Variants in PUM3 observed in about 807,000 individuals in gnomAD.
PUM3 encodes the protein pumilio homolog 3.
A neutral mutation model predicts 84.0 loss-of-function variants in PUM3; 91 were observed. That is an observed-to-expected ratio of 1.08 (90% CI 0.91 to 1.29). The LOEUF (loss-of-function observed/expected upper bound fraction) is 1.29. Ranked by LOEUF, PUM3 falls within the 50% of genes most tolerant of loss-of-function variation. PUM3 has a pLI of 0.00. For synonymous variants in PUM3, 321 were observed against 266.7 expected (o/e 1.20, Z -1.98); for missense variants, 1,067 against 767.5 (o/e 1.39, Z -4.61).
At chr9:2,812,769 A>G (rs1270099294) in intron 13 of PUM3, among the ~76,000 whole-genome samples, 1 of 152,214 alleles carries the variant, frequency 6.6e-6, no homozygotes, top group Non-Finnish European at 1.5e-5. Context: ...TTAACTGACC[A>G]AGCCCAAGGA....
At chr9:2,822,277 A>G (rs1393621602) in intron 12 of PUM3, among the ~76,000 whole-genome samples, 1 of 152,180 alleles carries the variant, frequency 6.6e-6, no homozygotes, top group African/African-American at 2.4e-5. Flanking sequence ...CAAATATAGA[A>G]TACCCCACCA....
chr9:2,804,568 G>GT, intron 17 of PUM3, 105 bp from the exon 18 acceptor site: 2 of 1,013,986 alleles, frequency 2.0e-6, no homozygotes, highest in South Asian at 1.8e-5. Flanking sequence ...CACAAGCCTT[G>GT]TAACTATATA....
chr9:2,807,274 G>T (rs1348745230), intron 17 of PUM3, among the ~76,000 whole-genome samples: 1 of 151,422 alleles, frequency 6.6e-6, no homozygotes, highest in African/African-American at 2.4e-5. Context: ...CCTTGTGAAT[G>T]TTATAATTTG....
At chr9:2,810,870 C>A in intron 15 of PUM3, among the ~76,000 whole-genome samples, 1 of 152,302 alleles carries the variant, frequency 6.6e-6, no homozygotes, top group South Asian at 2.1e-4. Context: ...ATCTGATGAG[C>A]GAATCAAGAA....
Position 2,817,417 on chromosome 9 carries a change from G to C in PUM3, c.1269+2601C>G, listed in dbSNP as rs562141081. ...AAAAACAAAATGCACAAGAATACAT[G>C]ATAGGACCATATATACCCCACAAAG... On this transcript the variant is annotated intron_variant, in intron 13 of 17. Coordinates refer to ENST00000397885, the MANE Select transcript of PUM3 (RefSeq NM_014878.5). Among the ~76,000 whole-genome samples, 18 of 152,210 alleles carry C rather than the reference G, an allele frequency of 1.2e-4. No homozygotes were observed. In the South Asian group the frequency reaches 3.5e-3, roughly 30 times the overall value.
chr9:2,840,198 C>A (rs1280410726), intron 1 of PUM3, among the ~76,000 whole-genome samples: 2 of 152,126 alleles, frequency 1.3e-5, no homozygotes, highest in Non-Finnish European at 2.9e-5. Context: ...TTATGTTAAC[C>A]GTGTTCACTT....
intron 1 of PUM3, among the ~76,000 whole-genome samples, chr9:2,843,573 CTTTTT>C (rs34837134): frequency 1.0e-5 from 1 of 96,400 alleles, no homozygotes; most frequent in Non-Finnish European, 2.1e-5. Flanking sequence ...TCCCGCCCTT[CTTTTT>C]TTTTTTTTTT....
At position 2,820,040 on chromosome 9, in the gene PUM3, A is replaced by T. The variant is rs893539915; in HGVS notation, c.1247T>A (p.Leu416His). ...AAFDCIDDTK[L>H]VKQIIISEII... ...TACTGATATGATTATCTGCTTCACA[A>T]GCTTAGTATCATCAATACAATCAAA... The change falls in exon 13 of 18, where the codon CTT (leucine) becomes CAT (histidine). Residue 416 changes from leucine to histidine, a missense_variant. Transcript: ENST00000397885. 1 of 1,611,260 alleles carries T rather than the reference A, an allele frequency of 6.2e-7. No homozygotes were observed. Among genetic ancestry groups the T allele is most frequent in the South Asian group, 1.1e-5 (1 of 90,956 alleles).
chr9:2,830,098 G>C, intron 7 of PUM3, 150 bp from the exon 8 acceptor site: 1 of 590,966 alleles, frequency 1.7e-6, no homozygotes, highest in South Asian at 2.6e-5. Flanking sequence ...GCTGTGGCCA[G>C]CACATAGTAA....
chr9:2,824,007 T>A (rs542710655), intron 11 of PUM3, among the ~76,000 whole-genome samples, 173 bp from the exon 12 acceptor site: 59 of 152,240 alleles, frequency 3.9e-4, no homozygotes, highest in Non-Finnish European at 4.4e-5. Flanking sequence ...ACCAAAGAAG[T>A]TGGCTTAGAG....
intron 10 of PUM3, 150 bp downstream of exon 10, chr9:2,826,923 G>A (rs1273169661): frequency 1.3e-5 from 8 of 631,820 alleles, no homozygotes; most frequent in African/African-American, 7.6e-5. Context: ...ATTAGCAAAC[G>A]TGTTCAAAGG....
In PUM3 at chr9:2,827,698, G is replaced by T. The variant is rs112713885; in HGVS notation, c.957-547C>A. Among the ~76,000 whole-genome samples the T allele has an allele frequency of 1.7e-3, 257 of 152,286 alleles. 1 individual carries two copies. The highest frequency in any genetic ancestry group is 6.1e-3 in the African/African-American group (252 of 41,566). The stretch of plus-strand genomic sequence containing the variant: ...TGGAGGCCGATGGTCAGGCATAAAA[G>T]ACCTAAAGTTCACAGGTGATACCCA... On this transcript the variant is annotated intron_variant, in intron 9 of 17. Coordinates refer to ENST00000397885, the MANE Select transcript of PUM3 (RefSeq NM_014878.5).
At chr9:2,814,717 C>A (rs58600422) in intron 13 of PUM3, among the ~76,000 whole-genome samples, 2,800 of 151,952 alleles carry the variant, frequency 0.018, 78 homozygotes, top group African/African-American at 0.065. Flanking sequence ...GTTTAAAAAA[C>A]AAAAACAAAA....
At chr9:2,825,013 T>C (rs1324658544) in intron 10 of PUM3, among the ~76,000 whole-genome samples, 198 bp from the exon 11 acceptor site, 1 of 152,164 alleles carries the variant, frequency 6.6e-6, no homozygotes, top group Non-Finnish European at 1.5e-5. Context: ...TCAAGAGCAG[T>C]AAATACTGCT....
At chr9:2,837,500 A>C in intron 2 of PUM3, 99 bp from the exon 3 acceptor site, 1 of 738,238 alleles carries the variant, frequency 1.4e-6, no homozygotes, top group Non-Finnish European at 2.2e-6. Flanking sequence ...TTTTAATCCC[A>C]ATACCATGTC....
rs1460072058 is a variant in PUM3, at chr9:2,831,319, C to G, written c.542G>C (p.Arg181Pro). The G allele has an allele frequency of 6.2e-7, 1 of 1,607,404 alleles. No homozygotes were observed. Among genetic ancestry groups the G allele is most frequent in the Non-Finnish European group, 8.5e-7 (1 of 1,177,814 alleles). Residue 181 changes from arginine (R) to proline (P), a missense_variant, in exon 6 of 18, where the codon CGT becomes CCT. Transcript: ENST00000397885. Reference protein sequence around the residue: ...KTIAFAHDSTRVIQCYIQYGN... With the variant: ...KTIAFAHDSTPVIQCYIQYGN... ...ATACTGAATGTAACACTGGATCACA[C>G]GAGTTGAATCGTGTGCAAATGCAAT...
At chr9:2,833,161 T>A (rs1816028838) in intron 5 of PUM3, among the ~76,000 whole-genome samples, 196 bp downstream of exon 5, 1 of 152,164 alleles carries the variant, frequency 6.6e-6, no homozygotes, top group Non-Finnish European at 1.5e-5. Context: ...ACTGATAATC[T>A]TTTCAAAACT....
At position 2,829,889 on chromosome 9, in the gene PUM3, AG is replaced by A. The variant is rs764708970; in HGVS notation, c.736del (p.Leu246CysfsTer26). 6.2e-7 allele frequency: 1 copy of A among 1,614,100 alleles called. No homozygotes were observed. Among genetic ancestry groups the A allele is most frequent in the East Asian group, 2.2e-5 (1 of 44,880 alleles). On this transcript the variant is annotated frameshift_variant, in exon 8 of 18. Coordinates refer to ENST00000397885, the MANE Select transcript of PUM3 (RefSeq NM_014878.5). LOFTEE classifies it high-confidence loss of function. ...RSFKGHVRKM[L>X]RHAEASAIVE... ...GATGGCTGATGCTTCCGCATGCCGC[AG>A]CATCTTCCTCACGTGGCCTTTAAAA...
At chr9:2,833,028 T>C (rs1816025200) in intron 5 of PUM3, among the ~76,000 whole-genome samples, 1 of 152,228 alleles carries the variant, frequency 6.6e-6, no homozygotes, top group African/African-American at 2.4e-5. Context: ...ATTGAGAACA[T>C]ACTAAATTAT....
Sources: gnomAD v4.1 joint callset for allele counts (sites outside exome capture counted in the v4.1 genomes callset) on GRCh38, gnomAD v4.1.1 for gene constraint, MANE v1.5 for transcripts, NCBI Gene and HGNC (gene_info 2026-07-23, HGNC 2026-07-21) for gene names.